CD2AP: variants seen among roughly 807,000 people sequenced by gnomAD.
CD2AP encodes CD2 associated protein, also known as CD2-associated protein.
A neutral mutation model predicts 85.1 loss-of-function variants in CD2AP; 46 were observed. The ratio of observed to expected loss-of-function variants is 0.54; its 90% CI spans 0.43 to 0.69. CD2AP has a LOEUF of 0.69. Among genes scored for constraint, CD2AP ranks in the 30% least tolerant of loss-of-function variants. The pLI is 0.00. For synonymous variants in CD2AP, 255 were observed against 252.9 expected (o/e 1.01, Z -0.08); for missense variants, 769 against 729.5 (o/e 1.05, Z -0.62).
At chr6:47,508,019 A>G (rs1766219093) in intron 2 of CD2AP, among the ~76,000 whole-genome samples, 1 of 152,204 alleles carries the variant, frequency 6.6e-6, no homozygotes, top group South Asian at 2.1e-4. Flanking sequence ...CCATTTATAG[A>G]GCATAGGCAG....
chr6:47,539,592 G>A (rs775530325), intron 3 of CD2AP, among the ~76,000 whole-genome samples: 2 of 152,156 alleles, frequency 1.3e-5, no homozygotes, highest in Non-Finnish European at 2.9e-5. Flanking sequence ...TATAATTTTA[G>A]TTTTGCCTCA....
At chr6:47,529,904 C>T (rs1766827119) in intron 2 of CD2AP, among the ~76,000 whole-genome samples, 1 of 152,194 alleles carries the variant, frequency 6.6e-6, no homozygotes, top group South Asian at 2.1e-4. Flanking sequence ...TCATCTTTCC[C>T]TTCCTTCCAT....
chr6:47,558,202 C>G (rs1407714061), intron 5 of CD2AP, among the ~76,000 whole-genome samples: 2 of 152,164 alleles, frequency 1.3e-5, no homozygotes, highest in Non-Finnish European at 2.9e-5. Flanking sequence ...GCTGAAGTTG[C>G]TTATCAGCTT....
At chr6:47,552,268 C>T (rs747984610) in intron 4 of CD2AP, among the ~76,000 whole-genome samples, 1 of 152,048 alleles carries the variant, frequency 6.6e-6, no homozygotes, top group African/African-American at 2.4e-5. Flanking sequence ...CACACTGTAC[C>T]TAATGTGTAG....
At chr6:47,520,364 G>A (rs964959416) in intron 2 of CD2AP, among the ~76,000 whole-genome samples, 7 of 152,224 alleles carry the variant, frequency 4.6e-5, no homozygotes, top group Admixed American at 4.6e-4. Flanking sequence ...TGAAAAAAGT[G>A]AAATGAATTG....
In CD2AP at chr6:47,625,285, G is replaced by C. The variant is rs1402116935; in HGVS notation, c.*1058G>C. Reference sequence around the variant, plus strand: ...TAACTTGTAAATACTCAGGTTTTACGATGTATAATTTACCTAATAGACCAA... The same window carrying C: ...TAACTTGTAAATACTCAGGTTTTACCATGTATAATTTACCTAATAGACCAA... On this transcript the variant is annotated 3_prime_UTR_variant, in exon 18 of 18. Transcript: ENST00000359314. 1 of 151,806 alleles carries C rather than the reference G, an allele frequency of 6.6e-6. No individual in the cohort carries two copies. Among genetic ancestry groups the C allele is most frequent in the African/African-American group, 2.4e-5 (1 of 41,400 alleles). The allele number at this position is 151,806 out of a possible 1,614,324, so 9.4% of individuals were successfully genotyped here. A position where few individuals can be genotyped will look rare whatever the true frequency, so the allele number is the denominator to read the frequency against.
intron 5 of CD2AP, among the ~76,000 whole-genome samples, chr6:47,567,280 C>T (rs1046028438): frequency 6.6e-6 from 1 of 152,032 alleles, no homozygotes; most frequent in African/African-American, 2.4e-5. Context: ...ACTAGCATTT[C>T]TCATGAAGGC....
At chr6:47,504,091 T>C (rs184973776) in intron 2 of CD2AP, among the ~76,000 whole-genome samples, 22 of 152,340 alleles carry the variant, frequency 1.4e-4, no homozygotes, top group Non-Finnish European at 2.6e-4. Context: ...AAAACAATCT[T>C]TAGGGCTCTT....
intron 2 of CD2AP, among the ~76,000 whole-genome samples, chr6:47,517,369 C>T (rs1766479693): frequency 1.3e-5 from 2 of 151,774 alleles, no homozygotes; most frequent in South Asian, 2.1e-4. Context: ...CTCGCTGCAG[C>T]CTCGACTTTC....
rs1312748972 is a variant in CD2AP, at chr6:47,579,431, A to G, written c.950A>G (p.Glu317Gly). 3 of 1,613,708 alleles carry G rather than the reference A, an allele frequency of 1.9e-6. No individual in the cohort carries two copies. The highest frequency in any genetic ancestry group is 1.7e-6 in the Non-Finnish European group (2 of 1,179,594). ...GWWRGELNGK[E>G]GVFPDNFAVQ... ...TGGAGGGGCGAACTTAATGGTAAAG[A>G]AGGAGTATTTCCAGACAATTTTGCT... Residue 317 changes from glutamate to glycine, a missense_variant, in exon 9 of 18, where the codon GAA becomes GGA. Physicochemically the swap from Glu to Gly is moderately conservative, Grantham distance 98. Transcript: ENST00000359314.
chr6:47,613,949 AC>A (rs1769513123), intron 17 of CD2AP, among the ~76,000 whole-genome samples: 1 of 152,134 alleles, frequency 6.6e-6, no homozygotes, highest in African/African-American at 2.4e-5. Context: ...GGCTTCTTAA[AC>A]CACATGAACC....
At chr6:47,600,184 G>T (rs893839752) in intron 13 of CD2AP, among the ~76,000 whole-genome samples, 1 of 151,814 alleles carries the variant, frequency 6.6e-6, no homozygotes, top group Non-Finnish European at 1.5e-5. Flanking sequence ...CTAGGAAGCA[G>T]ATGCTTTTTT....
At chr6:47,519,541 A>G (rs926704812) in intron 2 of CD2AP, among the ~76,000 whole-genome samples, 2 of 152,182 alleles carry the variant, frequency 1.3e-5, no homozygotes, top group African/African-American at 2.4e-5. Context: ...CTTTCTGAAG[A>G]TGCTTCACCC....
intron 2 of CD2AP, among the ~76,000 whole-genome samples, chr6:47,509,879 T>C (rs930274245): frequency 6.6e-6 from 1 of 152,194 alleles, no homozygotes; most frequent in Non-Finnish European, 1.5e-5. Context: ...ATTGCAGTTA[T>C]AGAACACCGA....
chr6:47,521,851 A>G (rs1346538453), intron 2 of CD2AP, among the ~76,000 whole-genome samples: 8 of 151,794 alleles, frequency 5.3e-5, no homozygotes, highest in African/African-American at 1.7e-4. Flanking sequence ...TCCCGTCTCT[A>G]CTAAAAATAC....
At chr6:47,585,452 C>T (rs80024684) in intron 11 of CD2AP, among the ~76,000 whole-genome samples, 2,383 of 152,234 alleles carry the variant, frequency 0.016, 43 homozygotes, top group African/African-American at 0.038. Flanking sequence ...TTTCACATAT[C>T]GGACATCAGA....
intron 2 of CD2AP, among the ~76,000 whole-genome samples, chr6:47,519,491 G>A (rs2114004176): frequency 6.6e-6 from 1 of 152,250 alleles, no homozygotes; most frequent in South Asian, 2.1e-4. Flanking sequence ...TGATGACCGT[G>A]CCCTTGCCAC....
At chr6:47,520,445 C>T (rs913009185) in intron 2 of CD2AP, among the ~76,000 whole-genome samples, 6 of 152,304 alleles carry the variant, frequency 3.9e-5, no homozygotes, top group East Asian at 1.9e-4. Flanking sequence ...GTGTTTCCAT[C>T]GATACCTGCC....
At position 47,566,319 on chromosome 6, in the gene CD2AP, T is replaced by C. The variant is rs374142476; in HGVS notation, c.542-7745T>C. Among the ~76,000 whole-genome samples the C allele has an allele frequency of 6.5e-4, 65 of 100,528 alleles. 3 individuals carry two copies. Among genetic ancestry groups the C allele is most frequent in the Middle Eastern group, 0.014 (2 of 144 alleles). 66.0% of individuals were successfully genotyped at this position (100,528 alleles called of 152,430 possible). On this transcript the variant is annotated intron_variant, in intron 5 of 17. Coordinates refer to ENST00000359314, the MANE Select transcript of CD2AP (RefSeq NM_012120.3). ...TCATTAGAATATATATATATATATA[T>C]ATATACACATACACATATATATATA... is the stretch of plus-strand genomic sequence containing the variant.
Sources: gnomAD v4.1 joint callset for allele counts (sites outside exome capture counted in the v4.1 genomes callset) on GRCh38, gnomAD v4.1.1 for gene constraint, MANE v1.5 for transcripts, NCBI Gene and HGNC (gene_info 2026-07-23, HGNC 2026-07-21) for gene names.